The following MYRIP variants were observed in gnomAD, a reference collection of about 807,000 sequenced individuals.
MYRIP encodes the protein myosin VIIA and Rab interacting protein.
A neutral mutation model predicts 98.0 loss-of-function variants in MYRIP; 49 were observed. The ratio of observed to expected loss-of-function variants is 0.50; its 90% confidence interval spans 0.40 to 0.63. MYRIP has a LOEUF of 0.63. Among genes scored for constraint, MYRIP ranks in the 30% least tolerant of loss-of-function variants. The probability of loss-of-function intolerance (pLI) is 0.00; values close to 1 mark genes in which losing one functional copy is unlikely to be tolerated. For synonymous variants in MYRIP, 404 were observed against 409.5 expected, an observed-to-expected ratio of 0.99 and a Z score of 0.16; for missense variants, 1,004 against 1,058.2, an observed-to-expected ratio of 0.95 and a Z score of 0.71.
At chr3:40,021,494 C>T (rs1039272216) in intron 2 of MYRIP, among the ~76,000 whole-genome samples, 1 of 152,162 alleles carries the variant, frequency 6.6e-6, no homozygotes, top group African/African-American at 2.4e-5. Flanking sequence ...ATCCTCTGAG[C>T]CTGTGTTCAT....
intron 12 of MYRIP, among the ~76,000 whole-genome samples, chr3:40,240,356 A>G (rs1156646823): frequency 6.6e-6 from 1 of 152,088 alleles, no homozygotes; most frequent in African/African-American, 2.4e-5. Context: ...AAGACGGGTG[A>G]TTTCTGCATT....
At chr3:39,861,186 C>T (rs373443339) in intron 1 of MYRIP, among the ~76,000 whole-genome samples, 1 of 152,224 alleles carries the variant, frequency 6.6e-6, no homozygotes, top group African/African-American at 2.4e-5. Flanking sequence ...TGGCTTGATG[C>T]TAGCCCCCCA....
At position 40,160,278 on chromosome 3, in the gene MYRIP, TG is replaced by T. The variant is rs1055505474; in HGVS notation, c.470-2446del. 6.5e-3 allele frequency among the ~76,000 whole-genome samples: 994 copies of T among 152,298 alleles called. 12 individuals carry two copies. Among genetic ancestry groups the T allele is most frequent in the African/African-American group, 0.023 (959 of 41,560 alleles). ...GTGTGAGGTGTCAGTCTGCCCCTAC[TG>T]GGGGGTGCCTCCCAGTTAGGCTGCT... On this transcript the variant is annotated intron_variant, in intron 4 of 16. Transcript: ENST00000302541.
intron 1 of MYRIP, among the ~76,000 whole-genome samples, chr3:39,867,299 C>CA (rs1381995114): frequency 6.6e-6 from 1 of 151,708 alleles, no homozygotes; most frequent in Non-Finnish European, 1.5e-5. Context: ...GCACAAGCAA[C>CA]AAAAAAATAA....
At chr3:40,029,084 G>A (rs1004458899) in intron 2 of MYRIP, among the ~76,000 whole-genome samples, 2 of 151,982 alleles carry the variant, frequency 1.3e-5, no homozygotes, top group African/African-American at 4.8e-5. Context: ...TTTTCTTTTT[G>A]GATGTTTTAT....
intron 9 of MYRIP, among the ~76,000 whole-genome samples, chr3:40,185,054 A>G (rs1950990516): frequency 6.6e-6 from 1 of 152,216 alleles, no homozygotes; most frequent in Non-Finnish European, 1.5e-5. Context: ...TCCTACAGGC[A>G]TTGCTCAATC....
chr3:39,843,556 A>G (rs778963762), intron 1 of MYRIP, among the ~76,000 whole-genome samples: 4 of 150,070 alleles, frequency 2.7e-5, no homozygotes, highest in Non-Finnish European at 4.5e-5. Context: ...ATCAAGTGAT[A>G]TGTTACCTTG....
chr3:40,162,873 C>A, intron 5 of MYRIP, 63 bp downstream of exon 5: 1 of 1,426,270 alleles, frequency 7.0e-7, no homozygotes, highest in South Asian at 1.2e-5. Flanking sequence ...CCTACAGGTA[C>A]AGGTACTGCC....
At chr3:39,836,312 G>A (rs2371089) in intron 1 of MYRIP, among the ~76,000 whole-genome samples, 1,688 of 152,156 alleles carry the variant, frequency 0.011, 40 homozygotes, top group East Asian at 0.067. Context: ...GTATCTCATG[G>A]TAGTTTTTAT....
At chr3:40,216,238 G>A (rs1379139955) in intron 11 of MYRIP, among the ~76,000 whole-genome samples, 1 of 152,202 alleles carries the variant, frequency 6.6e-6, no homozygotes, top group Non-Finnish European at 1.5e-5. Context: ...GAAATGGTTT[G>A]AAGAAAGAAA....
In MYRIP at chr3:40,218,623, TATATATATA is replaced by T. The variant is rs1952217379; in HGVS notation, c.1905+8531_1905+8539del. ...CATATATATATATTTTATATATATA[TATATATATA>T]TATATATATATATATATATATATAC... On this transcript the variant is annotated intron_variant, in intron 11 of 16. Coordinates refer to ENST00000302541, the MANE Select transcript of MYRIP (RefSeq NM_015460.4). Among the ~76,000 whole-genome samples the T allele has an allele frequency of 1.6e-3, 142 of 89,240 alleles. 6 individuals are homozygous for T. The highest frequency in any genetic ancestry group is 2.0e-3 in the African/African-American group (33 of 16,366). The allele number at this position is 89,240 out of a possible 152,430, so 58.5% of individuals were successfully genotyped here.
intron 1 of MYRIP, among the ~76,000 whole-genome samples, chr3:39,865,552 T>C (rs576488712): frequency 6.6e-6 from 1 of 152,242 alleles, no homozygotes; most frequent in Admixed American, 6.5e-5. Context: ...GGCATACCCA[T>C]GGTCAACAAG....
chr3:40,076,620 G>A (rs1389536434), intron 3 of MYRIP, among the ~76,000 whole-genome samples: 1 of 152,188 alleles, frequency 6.6e-6, no homozygotes, highest in Non-Finnish European at 1.5e-5. Context: ...ACCACCTTCT[G>A]TACAAAGGGC....
chr3:39,961,869 G>A (rs1945332744), intron 2 of MYRIP, among the ~76,000 whole-genome samples: 2 of 152,058 alleles, frequency 1.3e-5, no homozygotes, highest in Non-Finnish European at 1.5e-5. Flanking sequence ...GAGATTAAAG[G>A]GAATTAAATG....
intron 2 of MYRIP, among the ~76,000 whole-genome samples, chr3:39,921,734 A>G (rs1559523046): frequency 6.6e-6 from 1 of 152,050 alleles, no homozygotes; most frequent in Non-Finnish European, 1.5e-5. Context: ...TACAAAAATT[A>G]GCCGGGTGTG....
At chr3:40,146,142 G>A (rs1435410790) in intron 3 of MYRIP, among the ~76,000 whole-genome samples, 2 of 151,880 alleles carry the variant, frequency 1.3e-5, no homozygotes, top group Non-Finnish European at 2.9e-5. Flanking sequence ...TCACTAAATA[G>A]CAGGTACAAA....
intron 3 of MYRIP, among the ~76,000 whole-genome samples, chr3:40,121,890 A>G (rs1421237600): frequency 6.6e-6 from 1 of 152,204 alleles, no homozygotes; most frequent in Non-Finnish European, 1.5e-5. Context: ...AAGGAAATAC[A>G]TGTCCCCAAT....
In MYRIP at chr3:40,091,223, TA is replaced by T. The variant is rs1292271406; in HGVS notation, c.332+46953del. 7.0e-3 allele frequency among the ~76,000 whole-genome samples: 1,054 copies of T among 151,324 alleles called. 63 individuals carry two copies. The East Asian group carries it at 0.11, about 16-fold the overall frequency. ...AGGGGTCAACTATTAACTGAGAGGG[TA>T]GAGTAGAAGAGGGTCTGGCTATGAG... On this transcript the variant is annotated intron_variant, in intron 3 of 16. Transcript: ENST00000302541.
chr3:40,110,406 C>A (rs949918774), intron 3 of MYRIP, among the ~76,000 whole-genome samples: 2 of 152,096 alleles, frequency 1.3e-5, no homozygotes, highest in African/African-American at 4.8e-5. Flanking sequence ...GAGGCCAAGG[C>A]CAAAAGAAGT....
Sources: allele counts gnomAD v4.1 joint callset (sites outside exome capture counted in the v4.1 genomes callset), GRCh38; gene constraint gnomAD v4.1.1; transcripts MANE v1.5; gene names NCBI Gene and HGNC (gene_info 2026-07-23, HGNC 2026-07-21).